ELOVL7: variants seen among roughly 807,000 people sequenced by gnomAD.
The protein encoded by ELOVL7 is very long chain fatty acid elongase 7.
A neutral mutation model predicts 35.7 loss-of-function variants in ELOVL7; 27 were observed. The observed-to-expected ratio is 0.76, with a 90% CI of 0.56 to 1.04. ELOVL7 has a LOEUF of 1.04. ELOVL7 is among the 50% of genes least tolerant of loss of function. The pLI, the probability that ELOVL7 is intolerant of heterozygous loss-of-function variation, is 0.00. For missense variants in ELOVL7, 327 were observed against 340.8 expected (o/e 0.96, Z 0.32); for synonymous variants, 113 against 114.6 (o/e 0.99, Z 0.09).
intron 5 of ELOVL7, 150 bp downstream of exon 5, chr5:60,767,673 T>A: frequency 2.2e-6 from 1 of 450,200 alleles, no homozygotes; most frequent in East Asian, 3.2e-5. Flanking sequence ...ATTTTTTTTA[T>A]TCTTGTAATT....
rs1285977629 is a variant in ELOVL7, at chr5:60,754,533, A to G, written c.*91T>C. 8.3e-7 allele frequency: 1 copy of G among 1,199,402 alleles called. No homozygotes were observed. Among genetic ancestry groups the G allele is most frequent in the Non-Finnish European group, 1.2e-6 (1 of 846,536 alleles). The allele number at this position is 1,199,402 out of a possible 1,614,324, so 74.3% of individuals were successfully genotyped here. On this transcript the variant is annotated 3_prime_UTR_variant, in exon 9 of 9. Coordinates refer to ENST00000508821, the MANE Select transcript of ELOVL7 (RefSeq NM_024930.3). Reference sequence around the variant, plus strand: ...ATAAAAATACAAGCTCTTAGTTTTGAAAAATATACAAAATGCACTGCATAG... The same window carrying G: ...ATAAAAATACAAGCTCTTAGTTTTGGAAAATATACAAAATGCACTGCATAG...
rs764298261 is a variant in ELOVL7, at chr5:60,757,621, AG to A, written c.523del (p.Leu175PhefsTer2). On this transcript the variant is annotated frameshift_variant, in exon 8 of 9. Transcript: ENST00000508821. LOFTEE classifies it high-confidence loss of function. ...GACTACATGTACAGCTGTATTTAGA[AG>A]GGCATGGAATGTTCCCAAACCACCT... ...AAGGLGTFHA[L>X]LNTAVHVVMY... 41 of 1,593,000 alleles carry A rather than the reference AG, an allele frequency of 2.6e-5. No individual in the cohort carries two copies. Among genetic ancestry groups the A allele is most frequent in the Non-Finnish European group, 3.3e-5 (38 of 1,166,372 alleles).
intron 1 of ELOVL7, among the ~76,000 whole-genome samples, chr5:60,808,917 C>T (rs1191689127): frequency 1.3e-5 from 2 of 152,110 alleles, no homozygotes; most frequent in Non-Finnish European, 2.9e-5. Context: ...GAAAGCTAAA[C>T]TATAAAGTTG....
At chr5:60,820,921 T>G (rs1439817652) in intron 1 of ELOVL7, among the ~76,000 whole-genome samples, 1 of 152,212 alleles carries the variant, frequency 6.6e-6, no homozygotes, top group African/African-American at 2.4e-5. Flanking sequence ...GTTTGTCTAC[T>G]GATAAGTCTG....
At chr5:60,767,374 G>A (rs1251393520) in intron 5 of ELOVL7, among the ~76,000 whole-genome samples, 2 of 152,290 alleles carry the variant, frequency 1.3e-5, no homozygotes, top group Non-Finnish European at 2.9e-5. Context: ...GATTACAAGC[G>A]TAAGCCACTG....
At chr5:60,784,004 T>C in intron 3 of ELOVL7, 1 of 695,048 alleles carries the variant, frequency 1.4e-6, no homozygotes, top group Non-Finnish European at 2.6e-6. Context: ...ACCCCAATGA[T>C]TACCAAAGTT....
intron 1 of ELOVL7, among the ~76,000 whole-genome samples, chr5:60,811,100 A>G (rs1745213910): frequency 6.6e-6 from 1 of 152,162 alleles, no homozygotes; most frequent in Non-Finnish European, 1.5e-5. Flanking sequence ...ATCTTCTCAA[A>G]AGATCTTCTT....
At chr5:60,787,958 A>G (rs1743698998) in intron 2 of ELOVL7, among the ~76,000 whole-genome samples, 1 of 152,218 alleles carries the variant, frequency 6.6e-6, no homozygotes, top group Non-Finnish European at 1.5e-5. Context: ...ATCCAAGGAA[A>G]AGCTGCTTAG....
chr5:60,768,243 ATGTATGTGTG>A (rs1742363600), intron 4 of ELOVL7, among the ~76,000 whole-genome samples: 1 of 152,172 alleles, frequency 6.6e-6, no homozygotes, highest in South Asian at 2.1e-4. Flanking sequence ...AGGTTCATCT[ATGTATGTGTG>A]AGTGAATGTG....
chr5:60,771,954 C>T lies in ELOVL7; in HGVS notation c.204G>A (p.Met68Ile). The T allele has an allele frequency of 1.2e-6, 2 of 1,613,850 alleles. No homozygotes were observed. The highest frequency in any genetic ancestry group is 8.5e-7 in the Non-Finnish European group (1 of 1,179,884). ...GTACTATGAAAAAATTGTACGTTAT[C>T]ATTGCTTTCTTGAGTTCAAAGGGCT... ...NRKPFELKKA[M>I]ITYNFFIVLF... Residue 68 changes from methionine to isoleucine, a missense_variant, in exon 4 of 9, where the codon ATG becomes ATA. By Grantham distance (10) the Met-to-Ile change is conservative (BLOSUM62 1). Transcript: ENST00000508821.
intron 2 of ELOVL7, among the ~76,000 whole-genome samples, chr5:60,793,667 G>C (rs1217298092): frequency 1.3e-5 from 2 of 152,158 alleles, no homozygotes; most frequent in Non-Finnish European, 2.9e-5. Flanking sequence ...AGAGATCCTT[G>C]TCATTTTTCT....
chr5:60,766,650 T>C lies in ELOVL7; in HGVS notation c.337-20A>G, dbSNP rs146623943. On this transcript the variant is annotated intron_variant, in intron 5 of 8. Transcript: ENST00000508821. ...TGCCATCTGCAGAAGCACAAATAAA[T>C]CTAAATTTATTTTGTATATGGAAGA... The C allele has an allele frequency of 3.1e-6, 5 of 1,601,168 alleles. No homozygotes were observed. In the African/African-American group the frequency reaches 6.7e-5, roughly 22 times the overall value.
intron 1 of ELOVL7, among the ~76,000 whole-genome samples, chr5:60,834,269 G>A (rs913000678): frequency 6.6e-6 from 1 of 151,998 alleles, no homozygotes; most frequent in African/African-American, 2.4e-5. Flanking sequence ...AGCCTCCCAA[G>A]TAGCTGGGAT....
At chr5:60,824,232 G>A (rs1746041764) in intron 1 of ELOVL7, among the ~76,000 whole-genome samples, 1 of 152,146 alleles carries the variant, frequency 6.6e-6, no homozygotes, top group African/African-American at 2.4e-5. Flanking sequence ...AGAGAAGGAG[G>A]TATAAGAGAG....
intron 3 of ELOVL7, among the ~76,000 whole-genome samples, chr5:60,786,710 G>A (rs1203206898): frequency 6.6e-6 from 1 of 152,072 alleles, no homozygotes; most frequent in Non-Finnish European, 1.5e-5. Flanking sequence ...ACTTTGGGAG[G>A]CCAAGGCGGG....
intron 3 of ELOVL7, among the ~76,000 whole-genome samples, chr5:60,786,693 T>C (rs1369035396): frequency 6.6e-6 from 1 of 152,220 alleles, no homozygotes; most frequent in East Asian, 1.9e-4. Context: ...ACACCTGTAA[T>C]CCCAGCACTT....
intron 1 of ELOVL7, among the ~76,000 whole-genome samples, chr5:60,815,893 AG>A (rs953198968): frequency 6.6e-6 from 1 of 152,182 alleles, no homozygotes; most frequent in African/African-American, 2.4e-5. Context: ...TTTTTATCTG[AG>A]GTCAATGGAG....
At chr5:60,820,690 C>T (rs1383832029) in intron 1 of ELOVL7, among the ~76,000 whole-genome samples, 1 of 152,168 alleles carries the variant, frequency 6.6e-6, no homozygotes, top group African/African-American at 2.4e-5. Context: ...ATTCGTTCTC[C>T]CAATGAGTTG....
chr5:60,823,745 C>T (rs1314653723), intron 1 of ELOVL7, among the ~76,000 whole-genome samples: 1 of 152,214 alleles, frequency 6.6e-6, no homozygotes, highest in Non-Finnish European at 1.5e-5. Context: ...CTTAGTTGCA[C>T]ATTAGAATCA....
Sources: allele counts gnomAD v4.1 joint callset (sites outside exome capture counted in the v4.1 genomes callset), GRCh38; gene constraint gnomAD v4.1.1; transcripts MANE v1.5; gene names NCBI Gene and HGNC (gene_info 2026-07-23, HGNC 2026-07-21).